ROBO2: variants seen among roughly 807,000 people sequenced by gnomAD.
ROBO2 encodes the protein roundabout homolog 2.
A neutral mutation model predicts 160.8 loss-of-function variants in ROBO2; 53 were observed. The observed-to-expected ratio is 0.33, with a 90% CI of 0.26 to 0.41. The LOEUF is 0.41. Ranked by LOEUF, ROBO2 falls within the 10% of genes least tolerant of loss-of-function variation. The pLI is 1.00. For missense variants in ROBO2, 1,577 were observed against 1,722.4 expected (o/e 0.92, Z 1.49); for synonymous variants, 664 against 611.7 (o/e 1.09, Z -1.26).
chr3:77,322,283 G>A (rs2064796195), intron 2 of ROBO2, among the ~76,000 whole-genome samples: 1 of 152,084 alleles, frequency 6.6e-6, no homozygotes. Context: ...AAGGAATTAT[G>A]TTTGACACTG....
intron 7 of ROBO2, among the ~76,000 whole-genome samples, chr3:77,547,008 G>A (rs1298453492): frequency 6.6e-6 from 1 of 151,982 alleles, no homozygotes; most frequent in East Asian, 1.9e-4. Context: ...ATCCATAGTG[G>A]GGTTAGACAG....
intron 5 of ROBO2, among the ~76,000 whole-genome samples, chr3:77,494,281 A>T (rs4684013): frequency 0.59 from 88,482 of 151,132 alleles, 26,038 homozygotes; most frequent in Admixed American, 0.66. Flanking sequence ...TCTTTTTTTT[A>T]AAAAAAATTT....
intron 2 of ROBO2, among the ~76,000 whole-genome samples, chr3:77,009,257 C>A (rs1290655930): frequency 1.3e-5 from 2 of 152,130 alleles, no homozygotes; most frequent in Non-Finnish European, 2.9e-5. Context: ...CTCATTCCAC[C>A]AATAACTTAC....
chr3:76,491,066 T>C (rs2079794785), intron 2 of ROBO2, among the ~76,000 whole-genome samples: 1 of 151,984 alleles, frequency 6.6e-6, no homozygotes, highest in Admixed American at 6.6e-5. Context: ...TTCAAACGAT[T>C]CTCCTGCTTC....
intron 21 of ROBO2, among the ~76,000 whole-genome samples, chr3:77,610,401 C>T (rs1280975684): frequency 6.6e-6 from 1 of 152,050 alleles, no homozygotes; most frequent in East Asian, 1.9e-4. Context: ...CACAAACACA[C>T]ACAATTTTGT....
chr3:76,495,841 A>G (rs1465744053), intron 2 of ROBO2, among the ~76,000 whole-genome samples: 1 of 152,230 alleles, frequency 6.6e-6, no homozygotes, highest in Non-Finnish European at 1.5e-5. Flanking sequence ...TCAATAATTT[A>G]GAAAAGTGAT....
intron 2 of ROBO2, among the ~76,000 whole-genome samples, chr3:76,104,738 G>A (rs1310280341): frequency 1.3e-5 from 2 of 152,104 alleles, no homozygotes; most frequent in East Asian, 1.9e-4. Flanking sequence ...AACATTTCTA[G>A]CGAGTATGAT....
At chr3:76,830,168 C>T (rs540327062) in intron 2 of ROBO2, among the ~76,000 whole-genome samples, 13 of 152,144 alleles carry the variant, frequency 8.5e-5, no homozygotes, top group East Asian at 1.9e-4. Flanking sequence ...ACTCAACTGT[C>T]CCCCCCTCCA....
intron 2 of ROBO2, among the ~76,000 whole-genome samples, chr3:77,017,811 C>T (rs537826308): frequency 6.6e-6 from 1 of 151,964 alleles, no homozygotes; most frequent in Non-Finnish European, 1.5e-5. Flanking sequence ...CATAAGGTTG[C>T]ATCATCTAAT....
intron 1 of ROBO2, among the ~76,000 whole-genome samples, chr3:77,090,455 G>A (rs555653349): frequency 1.4e-5 from 2 of 145,444 alleles, no homozygotes; most frequent in South Asian, 2.2e-4. Context: ...CCGGGTTCAC[G>A]CCATTCTCCT....
At chr3:77,331,033 C>T (rs1023849988) in intron 2 of ROBO2, among the ~76,000 whole-genome samples, 5 of 152,068 alleles carry the variant, frequency 3.3e-5, no homozygotes, top group African/African-American at 7.2e-5. Flanking sequence ...TTGTCTTCTA[C>T]CATTTGAGAA....
intron 2 of ROBO2, among the ~76,000 whole-genome samples, chr3:76,955,825 G>A (rs2079209932): frequency 6.6e-6 from 1 of 151,554 alleles, no homozygotes; most frequent in Admixed American, 6.6e-5. Flanking sequence ...CTATTCAGGA[G>A]GCTGAAGCAG....
intron 6 of ROBO2, among the ~76,000 whole-genome samples, chr3:77,535,460 C>A (rs2153638073): frequency 6.6e-6 from 1 of 152,180 alleles, no homozygotes; most frequent in African/African-American, 2.4e-5. Context: ...GTCAAGTTTT[C>A]CCAATTTAGG....
At chr3:75,938,210 G>C (rs1156785195) in intron 2 of ROBO2, among the ~76,000 whole-genome samples, 1 of 151,798 alleles carries the variant, frequency 6.6e-6, no homozygotes. Context: ...GAGTAGAAAA[G>C]GGCCATAGAT....
intron 2 of ROBO2, among the ~76,000 whole-genome samples, chr3:76,291,837 C>A (rs747759827): frequency 1.3e-5 from 2 of 151,046 alleles, no homozygotes; most frequent in Non-Finnish European, 2.9e-5. Flanking sequence ...GATGGATCTT[C>A]TTGGTATTAA....
At chr3:76,895,293 T>G (rs914793905) in intron 2 of ROBO2, among the ~76,000 whole-genome samples, 1 of 152,164 alleles carries the variant, frequency 6.6e-6, no homozygotes, top group African/African-American at 2.4e-5. Flanking sequence ...GTACGCAAAA[T>G]ACCTACCTGA....
chr3:76,650,737 GA>G (rs2091217932), intron 2 of ROBO2, among the ~76,000 whole-genome samples: 1 of 152,024 alleles, frequency 6.6e-6, no homozygotes, highest in South Asian at 2.1e-4. Flanking sequence ...CAGAATTCTG[GA>G]ATAGAAATAA....
At chr3:77,639,281 G>A (rs899819582) in intron 24 of ROBO2, among the ~76,000 whole-genome samples, 8 of 152,068 alleles carry the variant, frequency 5.3e-5, no homozygotes, top group African/African-American at 1.9e-4. Flanking sequence ...AATAGACAAT[G>A]GGAGCCAAAC....
chr3:77,167,071 A>G (rs1433261165), intron 2 of ROBO2, among the ~76,000 whole-genome samples: 1 of 152,200 alleles, frequency 6.6e-6, no homozygotes, highest in Non-Finnish European at 1.5e-5. Context: ...AATCTTGTCT[A>G]CCAGCTCTGT....
Sources: gnomAD v4.1 joint callset for allele counts (sites outside exome capture counted in the v4.1 genomes callset) on GRCh38, gnomAD v4.1.1 for gene constraint, MANE v1.5 for transcripts, NCBI Gene and HGNC (gene_info 2026-07-23, HGNC 2026-07-21) for gene names.